The following NVL variants were observed in gnomAD, a reference collection of about 807,000 sequenced individuals.
The protein encoded by NVL is nuclear valosin-containing protein-like.
Under a neutral mutation model 110.2 loss-of-function variants are expected in NVL, and 84 were observed. The observed-to-expected ratio is 0.76, with a 90% CI of 0.64 to 0.91. NVL has a LOEUF of 0.91. NVL is among the 40% of genes least tolerant of loss of function. The pLI, the probability that NVL is intolerant of heterozygous loss-of-function variation, is 0.00. For missense variants in NVL, 882 were observed against 1,035.9 expected (o/e 0.85, Z 2.04); for synonymous variants, 354 against 361.1 (o/e 0.98, Z 0.22).
intron 18 of NVL, among the ~76,000 whole-genome samples, chr1:224,252,178 C>G (rs1255497134): frequency 6.6e-6 from 1 of 152,056 alleles, no homozygotes; most frequent in African/African-American, 2.4e-5. Context: ...CCCTGAAGTG[C>G]CTCCCTCCTC....
rs944894668 is a variant in NVL at position 224,275,474 on chromosome 1, A to C, written c.1963-16T>G. 3.1e-6 allele frequency: 5 copies of C among 1,613,990 alleles called. No individual in the cohort carries two copies. The highest frequency in any genetic ancestry group is 1.7e-5 in the Admixed American group (1 of 59,998). ...CACCAACATACTAAACATACACAGA[A>C]AGGAAATAAAATACCAACAGTTCAA... On this transcript the variant is annotated splice_polypyrimidine_tract_variant and intron_variant, in intron 16 of 22. Coordinates refer to ENST00000281701, the MANE Select transcript of NVL (RefSeq NM_002533.4).
chr1:224,277,018 A>C (rs1665841960), intron 16 of NVL, among the ~76,000 whole-genome samples: 1 of 148,634 alleles, frequency 6.7e-6, no homozygotes, highest in Non-Finnish European at 1.5e-5. Context: ...CTGTTTTACT[A>C]TCATTTGACC....
At chr1:224,265,315 C>G (rs1325521483) in intron 18 of NVL, among the ~76,000 whole-genome samples, 3 of 151,720 alleles carry the variant, frequency 2.0e-5, no homozygotes, top group Non-Finnish European at 4.4e-5. Flanking sequence ...ACCAGGCTGG[C>G]CAGCATGGTG....
At chr1:224,327,177 T>C (rs1671228385) in intron 1 of NVL, among the ~76,000 whole-genome samples, 1 of 151,940 alleles carries the variant, frequency 6.6e-6, no homozygotes. Flanking sequence ...GCGTGGTGGC[T>C]CACACCCGTA....
Position 224,330,117 on chromosome 1 carries a change from C to A in NVL, c.11G>T (p.Arg4Ile). 6.2e-7 allele frequency: 1 copy of A among 1,614,062 alleles called. No individual in the cohort carries two copies. Among genetic ancestry groups the A allele is most frequent in the Non-Finnish European group, 8.5e-7 (1 of 1,179,968 alleles). ...TTTATTATCCACGAACCCTGCAGGT[C>A]TGGGCTTCATCGCGTCGGTCTTCCA... The part of the protein sequence containing the change: MKP[R>I]PAGFVDNKLK... Residue 4 changes from arginine (R) to isoleucine (I), a missense_variant, in exon 1 of 23, where the codon AGA (arginine) becomes ATA (isoleucine). Arg to Ile is a moderately conservative substitution (Grantham distance 97, BLOSUM62 -3). Around this residue, in one of 4 missense-constraint regions of NVL, gnomAD observed 274 missense variants for 268.4 expected, o/e 1.02. Transcript: ENST00000281701.
chr1:224,252,842 C>T (rs1030975918), intron 18 of NVL, among the ~76,000 whole-genome samples: 1 of 152,160 alleles, frequency 6.6e-6, no homozygotes, highest in Non-Finnish European at 1.5e-5. Flanking sequence ...CCTTTGTAAC[C>T]TTTCTCTCCT....
At chr1:224,251,909 T>C (rs935508826) in intron 18 of NVL, among the ~76,000 whole-genome samples, 11 of 152,186 alleles carry the variant, frequency 7.2e-5, no homozygotes, top group African/African-American at 2.7e-4. Flanking sequence ...TTCCTCTCTC[T>C]GGGCCTCTTT....
chr1:224,291,045 A>C (rs966699097), intron 12 of NVL, among the ~76,000 whole-genome samples: 10 of 152,148 alleles, frequency 6.6e-5, no homozygotes, highest in African/African-American at 2.4e-4. Flanking sequence ...AGCTCTGTTA[A>C]CCTTTGTTAT....
At chr1:224,229,151 C>T (rs915169543) in intron 22 of NVL, among the ~76,000 whole-genome samples, 1 of 151,176 alleles carries the variant, frequency 6.6e-6, no homozygotes, top group East Asian at 2.0e-4. Flanking sequence ...AAAAAATTAG[C>T]CGGGTGTGGT....
chr1:224,257,894 C>T (rs566738241), intron 18 of NVL, among the ~76,000 whole-genome samples: 28 of 152,038 alleles, frequency 1.8e-4, no homozygotes, highest in South Asian at 6.2e-4. Context: ...CCTCACAACA[C>T]GCAACAAATT....
At chr1:224,299,898 A>G (rs1186903264) in intron 10 of NVL, among the ~76,000 whole-genome samples, 9 of 152,108 alleles carry the variant, frequency 5.9e-5, no homozygotes, top group Admixed American at 5.2e-4. Flanking sequence ...GGCTTCTAAC[A>G]GTTGTATTGG....
At chr1:224,291,547 A>G (rs1182154144) in intron 12 of NVL, among the ~76,000 whole-genome samples, 1 of 152,248 alleles carries the variant, frequency 6.6e-6, no homozygotes, top group Non-Finnish European at 1.5e-5. Flanking sequence ...AACATTACTG[A>G]CAAATTTTTT....
At chr1:224,319,399 C>T (rs1324276830) in intron 2 of NVL, among the ~76,000 whole-genome samples, 1 of 151,644 alleles carries the variant, frequency 6.6e-6, no homozygotes, top group Non-Finnish European at 1.5e-5. Context: ...ACTCCGCTTC[C>T]GGGGTTCACG....
intron 18 of NVL, among the ~76,000 whole-genome samples, chr1:224,255,993 A>C (rs1271921537): frequency 6.6e-6 from 1 of 152,132 alleles, no homozygotes; most frequent in African/African-American, 2.4e-5. Flanking sequence ...TCTCCACTGC[A>C]TTGCCTTTGT....
At chr1:224,323,803 C>T (rs894005490) in intron 2 of NVL, among the ~76,000 whole-genome samples, 1 of 152,224 alleles carries the variant, frequency 6.6e-6, no homozygotes, top group Non-Finnish European at 1.5e-5. Context: ...CAGGGCAGGG[C>T]ATCAAGCCAA....
intron 5 of NVL, among the ~76,000 whole-genome samples, chr1:224,310,291 T>C (rs1460444750): frequency 6.6e-5 from 10 of 151,966 alleles, no homozygotes; most frequent in African/African-American, 1.7e-4. Flanking sequence ...AGAGGATGTA[T>C]ATAACGTTAT....
intron 16 of NVL, among the ~76,000 whole-genome samples, chr1:224,279,292 A>G (rs1666082051): frequency 6.6e-6 from 1 of 152,134 alleles, no homozygotes; most frequent in Non-Finnish European, 1.5e-5. Flanking sequence ...AACAACCAAG[A>G]ATAGGTGTAG....
intron 12 of NVL, among the ~76,000 whole-genome samples, chr1:224,292,711 A>G (rs969523356): frequency 2.0e-5 from 3 of 151,042 alleles, no homozygotes; most frequent in African/African-American, 7.3e-5. Flanking sequence ...CTGTTCCTGG[A>G]CCTCACCAGG....
chr1:224,240,666 G>T (rs1002080949), intron 19 of NVL, among the ~76,000 whole-genome samples: 1 of 151,666 alleles, frequency 6.6e-6, no homozygotes, highest in African/African-American at 2.4e-5. Flanking sequence ...TTCACAAAAC[G>T]AATTCACTGT....
Sources: allele counts gnomAD v4.1 joint callset (sites outside exome capture counted in the v4.1 genomes callset), GRCh38; gene constraint gnomAD v4.1.1; regional missense constraint gnomAD v4.1.1; transcripts MANE v1.5; gene names NCBI Gene and HGNC (gene_info 2026-07-23, HGNC 2026-07-21).